DYM: variants seen among roughly 807,000 people sequenced by gnomAD.
The protein encoded by DYM is dymeclin, also known as dyggve-Melchior-Clausen syndrome protein.
A neutral mutation model predicts 93.1 loss-of-function variants in DYM; 78 were observed. The observed-to-expected ratio is 0.84, with a 90% CI of 0.70 to 1.01. The LOEUF is 1.01. Among genes scored for constraint, DYM ranks in the 50% least tolerant of loss-of-function variants. The pLI is 0.00. For synonymous variants in DYM, 321 were observed against 319.7 expected (o/e 1.00, Z -0.04); for missense variants, 789 against 845.0 (o/e 0.93, Z 0.82).
Position 49,151,360 on chromosome 18 carries a change from C to T in DYM, c.1728+12325G>A, listed in dbSNP as rs574612665. On this transcript the variant is annotated intron_variant, in intron 15 of 17. Transcript: ENST00000675505. ...TGAATTCTCGAATACAATTTGTTTT[C>T]AGAAATTAAATCAACCAAGGAAAGG... 5.3e-5 allele frequency among the ~76,000 whole-genome samples: 8 copies of T among 152,228 alleles called. No individual in the cohort carries two copies. The South Asian group carries it at 1.0e-3, about 20-fold the overall frequency.
intron 17 of DYM, among the ~76,000 whole-genome samples, chr18:49,088,825 T>C (rs2078790929): frequency 1.3e-5 from 2 of 152,152 alleles, no homozygotes; most frequent in South Asian, 4.2e-4. Flanking sequence ...AATAATCTTG[T>C]CTGTCACCCA....
At chr18:49,450,207 G>T (rs2082405667) in intron 1 of DYM, among the ~76,000 whole-genome samples, 1 of 152,138 alleles carries the variant, frequency 6.6e-6, no homozygotes, top group African/African-American at 2.4e-5. Context: ...ATTGAGCATT[G>T]AAAGAAAAAC....
At chr18:49,143,728 T>C (rs926399589) in intron 15 of DYM, among the ~76,000 whole-genome samples, 1 of 152,160 alleles carries the variant, frequency 6.6e-6, no homozygotes, top group Admixed American at 6.5e-5. Context: ...AGCATATTCA[T>C]ACGCTGTATA....
chr18:49,315,998 T>C (rs1472167417), intron 8 of DYM, among the ~76,000 whole-genome samples: 1 of 151,248 alleles, frequency 6.6e-6, no homozygotes, highest in Non-Finnish European at 1.5e-5. Context: ...TATTCATGAA[T>C]AGGCCGTGTG....
At chr18:49,201,275 T>C (rs186916500) in intron 14 of DYM, among the ~76,000 whole-genome samples, 2 of 152,352 alleles carry the variant, frequency 1.3e-5, no homozygotes, top group Admixed American at 1.3e-4. Context: ...ACTACACCAT[T>C]TCAATGTTGA....
chr18:49,419,915 T>C (rs943616906), intron 2 of DYM, among the ~76,000 whole-genome samples: 1 of 152,184 alleles, frequency 6.6e-6, no homozygotes, highest in South Asian at 2.1e-4. Context: ...TGCTCTCCAT[T>C]TCGCCCTCTT....
At chr18:49,308,376 A>C (rs556674543) in intron 8 of DYM, among the ~76,000 whole-genome samples, 1 of 152,176 alleles carries the variant, frequency 6.6e-6, no homozygotes, top group South Asian at 2.1e-4. Flanking sequence ...TGGTTTAGCC[A>C]TCCTGGACCA....
chr18:49,252,324 A>T (rs890713757), intron 13 of DYM, among the ~76,000 whole-genome samples: 1 of 150,082 alleles, frequency 6.7e-6, no homozygotes, highest in African/African-American at 2.4e-5. Context: ...GGCCTCGGGA[A>T]ACTTACATCA....
chr18:49,391,386 A>G, intron 3 of DYM: 1 of 561,560 alleles, frequency 1.8e-6, no homozygotes, highest in Non-Finnish European at 3.3e-6. Flanking sequence ...GTCCATTACC[A>G]CTACTGCAGA....
At chr18:49,316,259 G>A (rs968095974) in intron 8 of DYM, among the ~76,000 whole-genome samples, 12 of 152,096 alleles carry the variant, frequency 7.9e-5, no homozygotes, top group African/African-American at 2.4e-4. Context: ...TCCAGGCTGG[G>A]TGACAGAGTG....
intron 15 of DYM, among the ~76,000 whole-genome samples, chr18:49,133,761 C>T (rs1408387781): frequency 6.6e-6 from 1 of 152,182 alleles, no homozygotes; most frequent in African/African-American, 2.4e-5. Context: ...CTTTTGAGGG[C>T]CTGTGTGTTT....
intron 11 of DYM, among the ~76,000 whole-genome samples, chr18:49,262,124 A>G (rs896786502): frequency 1.3e-5 from 2 of 152,190 alleles, no homozygotes; most frequent in Non-Finnish European, 2.9e-5. Flanking sequence ...CTAGGTCAGT[A>G]TGACTGCTGG....
At chr18:49,139,022 G>A (rs2084163346) in intron 15 of DYM, among the ~76,000 whole-genome samples, 1 of 152,124 alleles carries the variant, frequency 6.6e-6, no homozygotes, top group Non-Finnish European at 1.5e-5. Context: ...GAGGGAGGGT[G>A]CTGATGAACC....
intron 17 of DYM, among the ~76,000 whole-genome samples, chr18:49,083,408 T>C (rs2078227483): frequency 6.6e-6 from 1 of 152,230 alleles, no homozygotes; most frequent in Non-Finnish European, 1.5e-5. Flanking sequence ...GTCAGTTTGC[T>C]AATATTTTGT....
chr18:49,233,760 T>TA (rs765385305), intron 13 of DYM, among the ~76,000 whole-genome samples: 1 of 152,172 alleles, frequency 6.6e-6, no homozygotes, highest in Non-Finnish European at 1.5e-5. Flanking sequence ...CCACTGCTGT[T>TA]AAGTATGATC....
At chr18:49,281,872 GCAGCA>G (rs2145741455) in intron 10 of DYM, 120 bp downstream of exon 10, 1 of 887,598 alleles carries the variant, frequency 1.1e-6, no homozygotes, top group African/African-American at 1.7e-5. Flanking sequence ...GTTCCTGGGT[GCAGCA>G]CACCAACATG....
At chr18:49,323,494 A>T (rs935394914) in intron 8 of DYM, among the ~76,000 whole-genome samples, 1 of 152,166 alleles carries the variant, frequency 6.6e-6, no homozygotes, top group Non-Finnish European at 1.5e-5. Flanking sequence ...TAGAAGGTGG[A>T]GCTTTGGAAG....
intron 13 of DYM, among the ~76,000 whole-genome samples, chr18:49,224,002 G>A (rs1043258628): frequency 6.6e-6 from 1 of 152,068 alleles, no homozygotes; most frequent in African/African-American, 2.4e-5. Flanking sequence ...TGGCTGGTTG[G>A]AGACTGATGA....
intron 17 of DYM, among the ~76,000 whole-genome samples, chr18:49,096,764 C>T (rs1381444556): frequency 2.0e-5 from 3 of 152,148 alleles, no homozygotes; most frequent in South Asian, 4.1e-4. Context: ...GCACTTCCCC[C>T]ACCTTCTCCA....
Sources: gnomAD v4.1 joint callset for allele counts (sites outside exome capture counted in the v4.1 genomes callset) on GRCh38, gnomAD v4.1.1 for gene constraint, MANE v1.5 for transcripts, NCBI Gene and HGNC (gene_info 2026-07-23, HGNC 2026-07-21) for gene names.